RIOK2: variants seen among roughly 807,000 people sequenced by gnomAD.
RIOK2 encodes serine/threonine-protein kinase RIO2.
RIOK2 carries 46 observed loss-of-function variants against 62.4 expected under a neutral mutation model. That is an observed-to-expected ratio of 0.74 (90% CI 0.58 to 0.94). The LOEUF is 0.94. Among genes scored for constraint, RIOK2 ranks in the 40% least tolerant of loss-of-function variants. RIOK2 has a pLI of 0.00. For missense variants in RIOK2, 574 were observed against 658.0 expected, an observed-to-expected ratio of 0.87 and a Z score of 1.40; for synonymous variants, 197 against 216.0, an observed-to-expected ratio of 0.91 and a Z score of 0.77.
chr5:97,162,992 A>C lies in RIOK2; in HGVS notation c.*69T>G. On this transcript the variant is annotated 3_prime_UTR_variant, in exon 10 of 10. Transcript: ENST00000283109. ...GATAGCCTTGGCTCAAAAAAGACAAATGAGGGCTCAAAAAGGAATTACAGT... is the reference window on the plus strand; with the variant it reads ...GATAGCCTTGGCTCAAAAAAGACAACTGAGGGCTCAAAAAGGAATTACAGT... 7.5e-7 allele frequency: 1 copy of C among 1,324,566 alleles called. No homozygotes were observed. The highest frequency in any genetic ancestry group is 1.0e-6 in the Non-Finnish European group (1 of 970,360). The allele number at this position is 1,324,566 out of a possible 1,614,324, so 82.1% of individuals were successfully genotyped here. A position where few individuals can be genotyped will look rare whatever the true frequency, so the allele number is the denominator to read the frequency against.
chr5:97,176,682 C>A (rs1278299576), intron 4 of RIOK2, among the ~76,000 whole-genome samples: 1 of 152,156 alleles, frequency 6.6e-6, no homozygotes, highest in Non-Finnish European at 1.5e-5. Flanking sequence ...AATGTTTGTT[C>A]CTTTATGTGA....
chr5:97,165,383 G>T (rs948642863), intron 8 of RIOK2, among the ~76,000 whole-genome samples: 9 of 152,080 alleles, frequency 5.9e-5, no homozygotes, highest in African/African-American at 1.9e-4. Flanking sequence ...AAAAACAGTA[G>T]AATGCTTAAG....
rs1561516607 is a variant in RIOK2 at position 97,168,004 on chromosome 5, G to C, written c.873-13C>G. 2.6e-6 allele frequency: 4 copies of C among 1,568,332 alleles called. No individual in the cohort carries two copies. Among genetic ancestry groups the C allele is most frequent in the Non-Finnish European group, 2.6e-6 (3 of 1,167,228 alleles). On this transcript the variant is annotated splice_polypyrimidine_tract_variant and intron_variant, in intron 7 of 9. Coordinates refer to ENST00000283109, the MANE Select transcript of RIOK2 (RefSeq NM_018343.3). ...AGTGTCTTCTCTCCTAGAAAAAAAA[G>C]GCGTCAAGCATAGAAAGAGAGAAAA... is the stretch of plus-strand genomic sequence containing the variant.
chr5:97,161,314 T>C lies in RIOK2; in HGVS notation c.*1747A>G, dbSNP rs1415121332. The C allele has an allele frequency of 6.6e-6, 1 of 152,232 alleles. No homozygotes were observed. Among genetic ancestry groups the C allele is most frequent in the East Asian group, 1.9e-4 (1 of 5,200 alleles). 9.4% of individuals were successfully genotyped at this position (152,232 alleles called of 1,614,324 possible). ...ACATTAGTAAAATTTTGAATTTGTT[T>C]TTGTTCATTGTTCACTATGCATGTT... On this transcript the variant is annotated 3_prime_UTR_variant, in exon 10 of 10. Transcript: ENST00000283109.
At chr5:97,180,108 T>G (rs1749340521) in intron 1 of RIOK2, among the ~76,000 whole-genome samples, 1 of 65,590 alleles carries the variant, frequency 1.5e-5, no homozygotes, top group Non-Finnish European at 3.1e-5. Context: ...TCCTACATGC[T>G]CTTCTGCATG....
chr5:97,178,193 G>A (rs929924860), intron 2 of RIOK2, among the ~76,000 whole-genome samples: 1 of 152,220 alleles, frequency 6.6e-6, no homozygotes. Flanking sequence ...TTTTATAAAA[G>A]TAAGGATCTG....
chr5:97,168,722 A>T, intron 7 of RIOK2, 38 bp downstream of exon 7: 1 of 1,217,558 alleles, frequency 8.2e-7, no homozygotes, highest in Non-Finnish European at 1.1e-6. Context: ...CCAGATATTT[A>T]AACTGTTCTA....
At chr5:97,175,204 G>C (rs1749132416) in intron 4 of RIOK2, among the ~76,000 whole-genome samples, 1 of 152,136 alleles carries the variant, frequency 6.6e-6, no homozygotes, top group African/African-American at 2.4e-5. Flanking sequence ...TCAAAAGGTT[G>C]TCTATTGCTT....
chr5:97,171,199 TACGTACC>T lies in RIOK2; in HGVS notation c.779_779+6del. ...AAAATAAAAATAAAAAAATAGCAAG[TACGTACC>T]ACTCAGCATTGGGATGAGAAGTTGA... On this transcript the variant is annotated splice_donor_variant and splice_donor_5th_base_variant and coding_sequence_variant and intron_variant, in exon 6 of 10. Transcript: ENST00000283109. LOFTEE classifies it high-confidence loss of function. 6.9e-7 allele frequency: 1 copy of T among 1,457,370 alleles called. No individual in the cohort carries two copies. Among genetic ancestry groups the T allele is most frequent in the Admixed American group, 2.5e-5 (1 of 40,712 alleles). The allele number at this position is 1,457,370 out of a possible 1,614,324, so 90.3% of individuals were successfully genotyped here. A position where few individuals can be genotyped will look rare whatever the true frequency, so the allele number is the denominator to read the frequency against.
rs1259563803 is a variant in RIOK2 at position 97,179,046 on chromosome 5, A to G, written c.205+9T>C. The G allele has an allele frequency of 1.2e-6, 2 of 1,613,762 alleles. No individual in the cohort carries two copies. The highest frequency in any genetic ancestry group is 4.5e-5 in the East Asian group (2 of 44,842). On this transcript the variant is annotated intron_variant, in intron 2 of 9. Coordinates refer to ENST00000283109, the MANE Select transcript of RIOK2 (RefSeq NM_018343.3). ...TGAAAAATCACAAATGGTGCCTCAA[A>G]ATACTTACTTTTGGTACGCTCCCAA...
In RIOK2 at chr5:97,163,029, A is replaced by G. The variant is rs1442662025; in HGVS notation, c.*32T>C. 6.5e-7 allele frequency: 1 copy of G among 1,548,330 alleles called. No homozygotes were observed. The highest frequency in any genetic ancestry group is 1.9e-5 in the Admixed American group (1 of 52,134). Reference sequence around the variant, plus strand: ...AAAGGAATTACAGTAACTTTAAAAAATATATTAAACATATCCAAGATCCTA... The same window carrying G: ...AAAGGAATTACAGTAACTTTAAAAAGTATATTAAACATATCCAAGATCCTA... On this transcript the variant is annotated 3_prime_UTR_variant, in exon 10 of 10. Coordinates refer to ENST00000283109, the MANE Select transcript of RIOK2 (RefSeq NM_018343.3).
chr5:97,169,661 T>G (rs1016860423), intron 6 of RIOK2, among the ~76,000 whole-genome samples: 1 of 152,258 alleles, frequency 6.6e-6, no homozygotes, highest in African/African-American at 2.4e-5. Flanking sequence ...TTAAAAAGAC[T>G]ATTTTATATA....
intron 4 of RIOK2, 130 bp from the exon 5 acceptor site, chr5:97,173,393 T>C (rs1329212651): frequency 3.0e-6 from 2 of 665,956 alleles, no homozygotes; most frequent in Non-Finnish European, 5.3e-6. Context: ...AGTTAACACA[T>C]GGTTATTTAT....
intron 1 of RIOK2, chr5:97,182,832 A>G (rs1749460489): frequency 2.9e-6 from 1 of 348,318 alleles, no homozygotes; most frequent in South Asian, 2.6e-5. Context: ...TCAGGATCAG[A>G]GAAGTTTCCA....
rs1554083808 is a variant in RIOK2 at position 97,182,792 on chromosome 5, G to GC, written c.66+333_66+334insG. 54 of 190,454 alleles carry GC rather than the reference G, an allele frequency of 2.8e-4. 4 individuals carry two copies. Among genetic ancestry groups the GC allele is most frequent in the African/African-American group, 1.4e-3 (43 of 30,040 alleles). 11.8% of individuals were successfully genotyped at this position (190,454 alleles called of 1,614,324 possible). Reference sequence around the variant, plus strand: ...TTATCAAATCTCGGGGGGGGGGGGGGGCTTAAACCTTTCACAGCTGGTCGG... The same window carrying GC: ...TTATCAAATCTCGGGGGGGGGGGGGGCGCTTAAACCTTTCACAGCTGGTCGG... On this transcript the variant is annotated intron_variant, in intron 1 of 9. Coordinates refer to ENST00000283109, the MANE Select transcript of RIOK2 (RefSeq NM_018343.3).
Position 97,165,064 on chromosome 5 carries a change from G to C in RIOK2, c.1481C>G (p.Ser494Ter). The change falls in exon 9 of 10, where the codon TCA (serine) becomes TGA (stop). Residue 494 changes from serine (S) to a stop codon, truncating the protein, a stop_gained. Coordinates refer to ENST00000283109, the MANE Select transcript of RIOK2 (RefSeq NM_018343.3). LOFTEE classifies it high-confidence loss of function. ...ITSSGSAVSC[S>*]TIPPELVKQK... ...ATGACTACTTACTGGAGGAATTGTT[G>C]AACAGCTTACAGCACTGCCTGAAGA... The C allele has an allele frequency of 6.3e-7, 1 of 1,596,254 alleles. No homozygotes were observed. Among genetic ancestry groups the C allele is most frequent in the East Asian group, 2.3e-5 (1 of 44,196 alleles).
chr5:97,169,702 T>C (rs27312), intron 6 of RIOK2, among the ~76,000 whole-genome samples: 88,312 of 152,078 alleles, frequency 0.58, 25,732 homozygotes, highest in East Asian at 0.65. Context: ...ACAGTAACAT[T>C]TTCTAAAGCA....
Position 97,161,903 on chromosome 5 carries a change from A to G in RIOK2, c.*1158T>C, listed in dbSNP as rs1027968029. On this transcript the variant is annotated 3_prime_UTR_variant, in exon 10 of 10. Coordinates refer to ENST00000283109, the MANE Select transcript of RIOK2 (RefSeq NM_018343.3). Reference sequence around the variant, plus strand: ...TAAAATGCAAAGCAAGGGTATTTAAATATTTGAATGTCAGGTAACTTTTGA... The same window carrying G: ...TAAAATGCAAAGCAAGGGTATTTAAGTATTTGAATGTCAGGTAACTTTTGA... The G allele has an allele frequency of 4.6e-5, 7 of 152,216 alleles. No homozygotes were observed. The highest frequency in any genetic ancestry group is 1.0e-4 in the Non-Finnish European group (7 of 68,026). 9.4% of individuals were successfully genotyped at this position (152,216 alleles called of 1,614,324 possible). A position where few individuals can be genotyped will look rare whatever the true frequency, so the allele number is the denominator to read the frequency against.
intron 1 of RIOK2, 122 bp from the exon 2 acceptor site, chr5:97,179,315 A>T: frequency 1.3e-6 from 1 of 793,040 alleles, no homozygotes; most frequent in Non-Finnish European, 2.0e-6. Context: ...TAATTCTGAG[A>T]CATAATCACT....
Sources: allele counts gnomAD v4.1 joint callset (sites outside exome capture counted in the v4.1 genomes callset), GRCh38; gene constraint gnomAD v4.1.1; transcripts MANE v1.5; gene names NCBI Gene and HGNC (gene_info 2026-07-23, HGNC 2026-07-21).